The following ZNF83 variants were observed in gnomAD, a reference collection of about 807,000 sequenced individuals.
The protein encoded by ZNF83 is zinc finger protein 83.
For synonymous variants in ZNF83, 209 were observed against 213.0 expected (o/e 0.98, Z 0.17); for missense variants, 552 against 629.9 (o/e 0.88, Z 1.32).
At chr19:52,679,877 G>A (rs937723378) in intron 1 of ZNF83, among the ~76,000 whole-genome samples, 12 of 152,002 alleles carry the variant, frequency 7.9e-5, no homozygotes, top group Non-Finnish European at 4.4e-5. Flanking sequence ...ACAATGACAC[G>A]TACATCAAAA....
intron 1 of ZNF83, among the ~76,000 whole-genome samples, chr19:52,669,468 G>A (rs1011093602): frequency 1.3e-5 from 2 of 152,138 alleles, no homozygotes; most frequent in African/African-American, 4.8e-5. Flanking sequence ...TGAGCAATTA[G>A]GGGCTACCAG....
chr19:52,647,639 C>T (rs1371690235), intron 3 of ZNF83, among the ~76,000 whole-genome samples: 3 of 149,892 alleles, frequency 2.0e-5, no homozygotes, highest in Non-Finnish European at 4.4e-5. Flanking sequence ...CTCATTCTCC[C>T]CTTCTCTCTC....
chr19:52,622,591 A>G (rs1410611084), intron 2 of ZNF83, among the ~76,000 whole-genome samples: 1 of 152,202 alleles, frequency 6.6e-6, no homozygotes, highest in East Asian at 1.9e-4. Context: ...TGAAGTGCTT[A>G]AAAAGGCAGC....
chr19:52,682,135 C>T (rs748033487), intron 1 of ZNF83, among the ~76,000 whole-genome samples: 2 of 152,006 alleles, frequency 1.3e-5, no homozygotes, highest in South Asian at 2.1e-4. Context: ...CATGAGCCAC[C>T]GTGCCTGGCC....
Position 52,627,749 on chromosome 19 carries a change from C to T in ZNF83, c.-234+7317G>A, listed in dbSNP as rs372957916. 1.8e-4 allele frequency among the ~76,000 whole-genome samples: 27 copies of T among 152,278 alleles called. No individual in the cohort carries two copies. In the South Asian group the frequency reaches 4.1e-3, roughly 23 times the overall value. ...CGATGACACGAGTTTACCTGTGTAA[C>T]AAACCTTCACATGTAGCCCCAAACC... On this transcript the variant is annotated intron_variant, in intron 2 of 2. Transcript: ENST00000301096.
At chr19:52,690,049 C>T (rs541823387) in intron 1 of ZNF83, among the ~76,000 whole-genome samples, 2 of 152,236 alleles carry the variant, frequency 1.3e-5, no homozygotes, top group African/African-American at 4.8e-5. Flanking sequence ...ACGGCCTCCC[C>T]GGGACAGGGG....
At position 52,679,455 on chromosome 19, in the gene ZNF83, A is replaced by G. The variant is rs562009435; in HGVS notation, c.-283+10988T>C. On this transcript the variant is annotated intron_variant, in intron 1 of 5. Transcript: ENST00000594682. ...ATGAAACTCCGACTCTACTAAAAAT[A>G]CAAAAACTGGCCAGGTATGGTGGAG... Among the ~76,000 whole-genome samples, 4 of 152,260 alleles carry G rather than the reference A, an allele frequency of 2.6e-5. No individual in the cohort carries two copies. The South Asian group carries it at 8.3e-4, about 32-fold the overall frequency.
chr19:52,643,059 T>A (rs2061328402), upstream of ZNF83, among the ~76,000 whole-genome samples: 3 of 151,938 alleles, frequency 2.0e-5, no homozygotes, highest in South Asian at 6.2e-4. Context: ...GAGACTGAGG[T>A]AGGAGAATCG....
intron 1 of ZNF83, among the ~76,000 whole-genome samples, chr19:52,679,442 C>T (rs116263641): frequency 1.3e-5 from 2 of 152,030 alleles, no homozygotes; most frequent in African/African-American, 2.4e-5. Flanking sequence ...GAAACTCCGA[C>T]TCTACTAAAA....
upstream of ZNF83, among the ~76,000 whole-genome samples, chr19:52,643,315 C>T (rs2061331625): frequency 6.7e-6 from 1 of 149,568 alleles, no homozygotes; most frequent in African/African-American, 2.5e-5. Context: ...GAAACAGAGA[C>T]TGCACTCACA....
At chr19:52,614,502 C>T (rs558987565) in exon 3 of ZNF83, 47 of 1,606,862 alleles carry the variant, frequency 2.9e-5, no homozygotes, top group African/African-American at 4.0e-5. Context: ...GATGTGACTG[C>T]GGGTTTAATC....
At chr19:52,666,265 G>T (rs1037308241) in intron 1 of ZNF83, among the ~76,000 whole-genome samples, 2 of 151,670 alleles carry the variant, frequency 1.3e-5, no homozygotes, top group Non-Finnish European at 2.9e-5. Flanking sequence ...GAGACAGAGA[G>T]TCAGAAAAGA....
intron 2 of ZNF83, among the ~76,000 whole-genome samples, chr19:52,631,097 A>G (rs2060940648): frequency 8.3e-6 from 1 of 120,020 alleles, no homozygotes; most frequent in South Asian, 2.6e-4. Flanking sequence ...TGACCCTGAC[A>G]CCCATTAGGC....
intron 2 of ZNF83, among the ~76,000 whole-genome samples, chr19:52,615,239 CA>C (rs1435887935): frequency 3.9e-5 from 6 of 152,168 alleles, no homozygotes; most frequent in African/African-American, 1.2e-4. Flanking sequence ...GTATACAACA[CA>C]ACGAAGGCAC....
intron 1 of ZNF83, among the ~76,000 whole-genome samples, chr19:52,677,798 T>G (rs1442251204): frequency 6.6e-6 from 1 of 151,930 alleles, no homozygotes; most frequent in Non-Finnish European, 1.5e-5. Context: ...CTTTGGGAAG[T>G]GGAGGTGGGT....
chr19:52,648,555 GTTC>G (rs1321146522), intron 3 of ZNF83, among the ~76,000 whole-genome samples: 1 of 152,144 alleles, frequency 6.6e-6, no homozygotes, highest in Non-Finnish European at 1.5e-5. Flanking sequence ...TATTTAGCCA[GTTC>G]TTTTTTTTGA....
chr19:52,652,634 T>C (rs2061456831), intron 3 of ZNF83: 1 of 489,274 alleles, frequency 2.0e-6, no homozygotes, highest in Admixed American at 2.5e-5. Context: ...CCACATTTAC[T>C]ACACTTGTAA....
intron 3 of ZNF83, chr19:52,652,425 A>C (rs1283062390): frequency 2.6e-6 from 1 of 381,846 alleles, no homozygotes; most frequent in Non-Finnish European, 5.1e-6. Flanking sequence ...AAAGAGTAAG[A>C]CTTCATCTGA....
chr19:52,617,195 T>C (rs1485714792), intron 2 of ZNF83: 5 of 152,288 alleles, frequency 3.3e-5, no homozygotes, highest in African/African-American at 9.6e-5. Flanking sequence ...AATAGATGCA[T>C]AGAAAGGAAT....
Sources: allele counts gnomAD v4.1 joint callset (sites outside exome capture counted in the v4.1 genomes callset), GRCh38; gene constraint gnomAD v4.1.1; transcripts MANE v1.5; gene names NCBI Gene and HGNC (gene_info 2026-07-23, HGNC 2026-07-21).